The following TNFAIP8 variants were observed in gnomAD, a reference collection of about 807,000 sequenced individuals.
TNFAIP8 encodes the protein tumor necrosis factor alpha-induced protein 8.
Under a neutral mutation model 13.3 loss-of-function variants are expected in TNFAIP8, and 7 were observed. The observed-to-expected ratio is 0.52, with a 90% CI of 0.30 to 0.99. The LOEUF is 0.99. TNFAIP8 is among the 50% of genes least tolerant of loss of function. The pLI is 0.07. For missense variants in TNFAIP8, 258 were observed against 236.9 expected (o/e 1.09, Z -0.58); for synonymous variants, 94 against 87.6 (o/e 1.07, Z -0.41).
chr5:119,356,690 G>A (rs1176750691), intron 1 of TNFAIP8, among the ~76,000 whole-genome samples: 1 of 152,108 alleles, frequency 6.6e-6, no homozygotes, highest in Non-Finnish European at 1.5e-5. Flanking sequence ...GGGGGTCCTT[G>A]TGCAGCTTGA....
chr5:119,392,627 C>T (rs1315360850), intron 1 of TNFAIP8, among the ~76,000 whole-genome samples, 189 bp from the exon 2 acceptor site: 2 of 152,200 alleles, frequency 1.3e-5, no homozygotes, highest in Middle Eastern at 3.2e-3. Flanking sequence ...GTTGGGATTA[C>T]AGGTGTGAGC....
intron 1 of TNFAIP8, among the ~76,000 whole-genome samples, chr5:119,276,577 A>G (rs1748456432): frequency 6.6e-6 from 1 of 152,218 alleles, no homozygotes; most frequent in African/African-American, 2.4e-5. Flanking sequence ...TTCAAGATCA[A>G]GACGTCAACA....
chr5:119,351,419 G>A (rs1475542061), upstream of TNFAIP8, among the ~76,000 whole-genome samples: 5 of 151,924 alleles, frequency 3.3e-5, no homozygotes, highest in Non-Finnish European at 5.9e-5. Flanking sequence ...TTTGCTTTCA[G>A]TGCAGTGTTA....
At chr5:119,289,156 T>C (rs916109550) in intron 1 of TNFAIP8, among the ~76,000 whole-genome samples, 1 of 152,262 alleles carries the variant, frequency 6.6e-6, no homozygotes, top group Non-Finnish European at 1.5e-5. Context: ...TTTTATATCA[T>C]GATCACACCT....
chr5:119,341,943 C>G (rs1206858682), intron 1 of TNFAIP8, among the ~76,000 whole-genome samples: 1 of 151,422 alleles, frequency 6.6e-6, no homozygotes, highest in Non-Finnish European at 1.5e-5. Context: ...CAGGGCAGAA[C>G]TGGGAATGGG....
chr5:119,281,306 A>ACACACACACACACACACACACACT, intron 1 of TNFAIP8, among the ~76,000 whole-genome samples: 1 of 114,134 alleles, frequency 8.8e-6, no homozygotes, highest in African/African-American at 3.1e-5. Context: ...ACACACACAC[A>ACACACACACACACACACACACACT]CTCTCTCTCT....
intron 1 of TNFAIP8, among the ~76,000 whole-genome samples, chr5:119,297,524 A>G (rs1021191253): frequency 6.6e-6 from 1 of 152,120 alleles, no homozygotes; most frequent in Admixed American, 6.5e-5. Context: ...CTTTACTTCC[A>G]ACTATGTGGT....
chr5:119,326,183 C>T (rs532141225), intron 1 of TNFAIP8, among the ~76,000 whole-genome samples: 8 of 152,226 alleles, frequency 5.3e-5, no homozygotes, highest in South Asian at 2.1e-4. Flanking sequence ...ATCACCCTGT[C>T]GTTTAGGAAT....
chr5:119,347,813 G>A (rs1046487936), intron 1 of TNFAIP8, among the ~76,000 whole-genome samples: 3 of 152,184 alleles, frequency 2.0e-5, no homozygotes, highest in African/African-American at 7.2e-5. Flanking sequence ...ACTCGCAACT[G>A]CAAGCCTATG....
upstream of TNFAIP8, among the ~76,000 whole-genome samples, chr5:119,353,404 G>A (rs137934992): frequency 4.4e-3 from 674 of 152,322 alleles, 8 homozygotes; most frequent in South Asian, 0.042. Context: ...TAGGGGTATG[G>A]GGCAATGCAG....
chr5:119,351,317 G>A (rs1751134256), upstream of TNFAIP8, among the ~76,000 whole-genome samples: 1 of 152,108 alleles, frequency 6.6e-6, no homozygotes, highest in African/African-American at 2.4e-5. Flanking sequence ...ATGAGCCAGT[G>A]TGCCCAGCCT....
intron 1 of TNFAIP8, among the ~76,000 whole-genome samples, chr5:119,269,070 G>A (rs916733309): frequency 1.3e-5 from 2 of 152,242 alleles, no homozygotes; most frequent in South Asian, 4.1e-4. Context: ...TTAGGTGGGT[G>A]TGCGTACGAG....
intron 1 of TNFAIP8, among the ~76,000 whole-genome samples, chr5:119,281,683 T>C (rs1009647824): frequency 1.3e-5 from 2 of 152,240 alleles, no homozygotes; most frequent in African/African-American, 4.8e-5. Context: ...TCAGATCTTA[T>C]TATTGTTATA....
At chr5:119,392,628 A>G (rs755782049) in intron 1 of TNFAIP8, among the ~76,000 whole-genome samples, 188 bp from the exon 2 acceptor site, 3 of 152,212 alleles carry the variant, frequency 2.0e-5, no homozygotes, top group Non-Finnish European at 4.4e-5. Flanking sequence ...TTGGGATTAC[A>G]GGTGTGAGCC....
At position 119,398,796 on chromosome 5, in the gene TNFAIP8, A is replaced by C. The variant is rs1045718710; in HGVS notation, c.*5415A>C. 17 of 152,198 alleles carry C rather than the reference A, an allele frequency of 1.1e-4. No homozygotes were observed. The highest frequency in any genetic ancestry group is 1.9e-4 in the Non-Finnish European group (13 of 68,032). The allele number at this position is 152,198 out of a possible 1,614,324, so 9.4% of individuals were successfully genotyped here. A position where few individuals can be genotyped will look rare whatever the true frequency, so the allele number is the denominator to read the frequency against. On this transcript the variant is annotated 3_prime_UTR_variant, in exon 2 of 2. Coordinates refer to ENST00000504771, the MANE Select transcript of TNFAIP8 (RefSeq NM_014350.4). ...AAAAACTCAGAGTATAAATATCTAT[A>C]TTGTTACCATTATCTGGGATAATTG...
chr5:119,333,103 GT>G (rs74745691), intron 1 of TNFAIP8: 7,345 of 619,436 alleles, frequency 0.012, 25 homozygotes, highest in African/African-American at 0.042. Context: ...CTTTTTTTTA[GT>G]TTTTTTTTTT....
intron 1 of TNFAIP8, among the ~76,000 whole-genome samples, chr5:119,362,030 G>C (rs1245576437): frequency 6.6e-6 from 1 of 152,194 alleles, no homozygotes; most frequent in Non-Finnish European, 1.5e-5. Flanking sequence ...ATCACACACA[G>C]CACATGTGCA....
intron 1 of TNFAIP8, among the ~76,000 whole-genome samples, chr5:119,376,600 G>A (rs1752293248): frequency 1.5e-5 from 2 of 135,110 alleles, no homozygotes; most frequent in Non-Finnish European, 3.0e-5. Flanking sequence ...AACAACCTGA[G>A]AATGCTTTTA....
At chr5:119,299,628 C>T (rs1268693659) in intron 1 of TNFAIP8, among the ~76,000 whole-genome samples, 1 of 152,200 alleles carries the variant, frequency 6.6e-6, no homozygotes, top group Non-Finnish European at 1.5e-5. Context: ...AGAACCACTG[C>T]TCTCTTCAAA....
Sources: allele counts gnomAD v4.1 joint callset (sites outside exome capture counted in the v4.1 genomes callset), GRCh38; gene constraint gnomAD v4.1.1; transcripts MANE v1.5; gene names NCBI Gene and HGNC (gene_info 2026-07-23, HGNC 2026-07-21).